EPHA3: variants seen among roughly 807,000 people sequenced by gnomAD.
EPHA3 encodes ephrin type-A receptor 3.
In EPHA3, 42 loss-of-function variants were observed where a neutral mutation model predicts 107.1. That is an observed-to-expected ratio of 0.39 (90% CI 0.31 to 0.51). The LOEUF (loss-of-function observed/expected upper bound fraction) is 0.51, where lower values mean the gene tolerates loss of function less well. Among genes scored for constraint, EPHA3 ranks in the 20% least tolerant of loss-of-function variants. EPHA3 has a pLI of 0.78. For synonymous variants in EPHA3, 461 were observed against 424.8 expected, an observed-to-expected ratio of 1.09 and a Z score of -1.05; for missense variants, 1,183 against 1,211.2, an observed-to-expected ratio of 0.98 and a Z score of 0.35.
At chr3:89,392,205 T>C (rs1708757976) in intron 5 of EPHA3, among the ~76,000 whole-genome samples, 1 of 152,118 alleles carries the variant, frequency 6.6e-6, no homozygotes, top group African/African-American at 2.4e-5. Context: ...TTAGGGAGGC[T>C]GAGGCAGTTG....
chr3:89,259,007 T>C (rs1354530488), intron 3 of EPHA3, among the ~76,000 whole-genome samples: 1 of 152,208 alleles, frequency 6.6e-6, no homozygotes, highest in African/African-American at 2.4e-5. Context: ...GTTTATTGAA[T>C]TGTACCAATT....
intron 3 of EPHA3, among the ~76,000 whole-genome samples, chr3:89,270,207 G>C (rs1017383159): frequency 6.6e-6 from 1 of 152,000 alleles, no homozygotes; most frequent in African/African-American, 2.4e-5. Context: ...CTGACACTTA[G>C]TAAATGGTTA....
At chr3:89,237,037 G>A (rs1361473390) in intron 3 of EPHA3, among the ~76,000 whole-genome samples, 1 of 152,170 alleles carries the variant, frequency 6.6e-6, no homozygotes, top group Non-Finnish European at 1.5e-5. Flanking sequence ...ATGAATGCAT[G>A]GATTGATAAT....
At chr3:89,431,038 G>T in intron 12 of EPHA3, 112 bp from the exon 13 acceptor site, 1 of 1,071,172 alleles carries the variant, frequency 9.3e-7, no homozygotes, top group Non-Finnish European at 1.3e-6. Context: ...TAGGACTAAA[G>T]TGTGTATAGT....
rs879687818 is a variant in EPHA3, at chr3:89,134,227, A to T, written c.153+6954A>T. Among the ~76,000 whole-genome samples, 958 of 146,222 alleles carry T rather than the reference A, an allele frequency of 6.6e-3. 4 individuals carry two copies. Among genetic ancestry groups the T allele is most frequent in the Non-Finnish European group, 8.2e-3 (545 of 66,464 alleles). On this transcript the variant is annotated intron_variant, in intron 2 of 16. Coordinates refer to ENST00000336596, the MANE Select transcript of EPHA3 (RefSeq NM_005233.6). Reference sequence around the variant, plus strand: ...GTCAACTTTCTTTTTTTTTTTTTAAAAAAATTATACTTTAAGTTCTAGGGT... The same window carrying T: ...GTCAACTTTCTTTTTTTTTTTTTAATAAAATTATACTTTAAGTTCTAGGGT...
intron 5 of EPHA3, among the ~76,000 whole-genome samples, chr3:89,366,459 A>G (rs1708185696): frequency 6.6e-6 from 1 of 150,902 alleles, no homozygotes; most frequent in African/African-American, 2.4e-5. Context: ...TAAGGCAAAA[A>G]ACAGGTATTC....
rs1172610745 is a variant in EPHA3, at chr3:89,187,421, TA to T, written c.154-22436del. Among the ~76,000 whole-genome samples, 207 of 149,848 alleles carry T rather than the reference TA, an allele frequency of 1.4e-3. 2 individuals are homozygous for T. Among genetic ancestry groups the T allele is most frequent in the African/African-American group, 4.7e-3 (193 of 41,160 alleles). ...TATTTATATATTATTCATAAGTGTA[TA>T]AAGCTATACATGTATTATGTAATTA... On this transcript the variant is annotated intron_variant, in intron 2 of 16. Coordinates refer to ENST00000336596, the MANE Select transcript of EPHA3 (RefSeq NM_005233.6).
chr3:89,372,987 C>A (rs1325350267), intron 5 of EPHA3, among the ~76,000 whole-genome samples: 4 of 151,694 alleles, frequency 2.6e-5, no homozygotes, highest in Non-Finnish European at 5.9e-5. Context: ...AAATATGTGA[C>A]CCTTCCAAAT....
At chr3:89,468,255 A>ACT (rs71731455) in intron 15 of EPHA3, among the ~76,000 whole-genome samples, 2 of 150,540 alleles carry the variant, frequency 1.3e-5, no homozygotes, top group African/African-American at 4.9e-5. Context: ...AAATTAGGTC[A>ACT]TTTTTTTTTG....
At chr3:89,204,116 T>TAAA (rs915375213) in intron 2 of EPHA3, among the ~76,000 whole-genome samples, 2 of 152,226 alleles carry the variant, frequency 1.3e-5, no homozygotes, top group Admixed American at 6.5e-5. Context: ...TCTCACTCTC[T>TAAA]AAAATACTTT....
At chr3:89,397,355 G>T (rs564015614) in intron 6 of EPHA3, among the ~76,000 whole-genome samples, 2 of 151,860 alleles carry the variant, frequency 1.3e-5, no homozygotes, top group Non-Finnish European at 2.9e-5. Flanking sequence ...AGATAGAATG[G>T]GCAAATATAA....
rs373269569 is a variant in EPHA3, at chr3:89,171,532, T to G, written c.154-38328T>G. Among the ~76,000 whole-genome samples, 4 of 152,316 alleles carry G rather than the reference T, an allele frequency of 2.6e-5. No individual in the cohort carries two copies. In the East Asian group the frequency reaches 5.8e-4, roughly 22 times the overall value. On this transcript the variant is annotated intron_variant, in intron 2 of 16. Transcript: ENST00000336596. The stretch of plus-strand genomic sequence containing the variant: ...TCGTGGGAAGTAATTTTACAAACTC[T>G]TCTCACATTTGTTTCATTCTAAGAA...
At chr3:89,380,699 A>G (rs527932391) in intron 5 of EPHA3, among the ~76,000 whole-genome samples, 1 of 152,250 alleles carries the variant, frequency 6.6e-6, no homozygotes, top group Admixed American at 6.5e-5. Context: ...CAGCAGAGAC[A>G]CAAAGCAACA....
chr3:89,313,719 T>C (rs943788289), intron 3 of EPHA3, among the ~76,000 whole-genome samples: 2 of 151,934 alleles, frequency 1.3e-5, no homozygotes, highest in African/African-American at 4.8e-5. Flanking sequence ...AAAGTAGTCA[T>C]GTGACTTTTA....
chr3:89,359,728 TACATATATACACATATATAC>T (rs956421081), intron 5 of EPHA3, among the ~76,000 whole-genome samples: 1 of 122,700 alleles, frequency 8.1e-6, no homozygotes, highest in Admixed American at 8.3e-5. Flanking sequence ...TATATATACA[TACATATATACACATATATAC>T]ACATATATAC....
intron 3 of EPHA3, among the ~76,000 whole-genome samples, chr3:89,270,172 T>C (rs949557963): frequency 5.9e-5 from 9 of 152,112 alleles, no homozygotes; most frequent in African/African-American, 1.9e-4. Flanking sequence ...ATTAATTTAA[T>C]GTATTAAGGC....
intron 16 of EPHA3, among the ~76,000 whole-genome samples, 157 bp from the exon 17 acceptor site, chr3:89,479,240 T>C (rs1710578195): frequency 6.6e-6 from 1 of 152,208 alleles, no homozygotes; most frequent in African/African-American, 2.4e-5. Context: ...TTCTACAAGA[T>C]GGTGGAACGG....
intron 1 of EPHA3, among the ~76,000 whole-genome samples, chr3:89,124,967 A>G (rs544635252): frequency 1.3e-5 from 2 of 152,000 alleles, no homozygotes; most frequent in African/African-American, 4.8e-5. Context: ...TGATTAGTCC[A>G]GTTCTTTTCC....
At chr3:89,408,476 A>G (rs1239549185) in intron 9 of EPHA3, among the ~76,000 whole-genome samples, 5 of 152,062 alleles carry the variant, frequency 3.3e-5, no homozygotes, top group African/African-American at 1.2e-4. Flanking sequence ...CTAAACTCTA[A>G]ATAGGAGACT....
Sources: gnomAD v4.1 joint callset for allele counts (sites outside exome capture counted in the v4.1 genomes callset) on GRCh38, gnomAD v4.1.1 for gene constraint, MANE v1.5 for transcripts, NCBI Gene and HGNC (gene_info 2026-07-23, HGNC 2026-07-21) for gene names.